The following TCAF1 variants were observed in gnomAD, a reference collection of about 807,000 sequenced individuals.
The protein encoded by TCAF1 is TRPM8 channel-associated factor 1.
A neutral mutation model predicts 27.3 loss-of-function variants in TCAF1; 4 were observed. The observed-to-expected ratio is 0.15, with a 90% CI of 0.07 to 0.34. TCAF1 has a LOEUF of 0.34. TCAF1 is among the 10% of genes least tolerant of loss of function. TCAF1 has a pLI of 1.00. For missense variants in TCAF1, 257 were observed against 425.8 expected, an observed-to-expected ratio of 0.60 and a Z score of 3.49; for synonymous variants, 105 against 167.1, an observed-to-expected ratio of 0.63 and a Z score of 2.87.
chr7:143,899,750 C>T (rs1191028083), intron 1 of TCAF1, among the ~76,000 whole-genome samples: 1 of 152,188 alleles, frequency 6.6e-6, no homozygotes, highest in Non-Finnish European at 1.5e-5. Flanking sequence ...CTAACAATTA[C>T]TGCTTCGTAC....
At chr7:143,900,822 C>T (rs952623815) in intron 1 of TCAF1, among the ~76,000 whole-genome samples, 11 of 151,670 alleles carry the variant, frequency 7.3e-5, no homozygotes, top group Admixed American at 7.2e-4. Context: ...CCTTAAATGA[C>T]GAAAACGAAA....
chr7:143,898,297 T>A (rs943010028), intron 1 of TCAF1, among the ~76,000 whole-genome samples: 3 of 152,130 alleles, frequency 2.0e-5, no homozygotes, highest in Admixed American at 2.0e-4. Context: ...CAAAACAAGA[T>A]GCCCTTTATT....
chr7:143,875,957 G>C, intron 2 of TCAF1, 32 bp downstream of exon 2: 1 of 1,514,966 alleles, frequency 6.6e-7, no homozygotes. Flanking sequence ...TTCAACCCTG[G>C]AGCCAACTCC....
At chr7:143,897,278 C>T (rs1044593482) in intron 1 of TCAF1, among the ~76,000 whole-genome samples, 19 of 150,816 alleles carry the variant, frequency 1.3e-4, no homozygotes, top group Non-Finnish European at 2.4e-4. Flanking sequence ...ACACCAACTC[C>T]TCCCTTCCTC....
intron 1 of TCAF1, among the ~76,000 whole-genome samples, chr7:143,886,700 C>CTTTTTT (rs11398264): frequency 1.1e-4 from 10 of 89,160 alleles, no homozygotes; most frequent in African/African-American, 1.5e-4. Flanking sequence ...CAAATTTTAC[C>CTTTTTT]TTTTTTTTTT....
At chr7:143,883,512 T>TTG (rs1435942337) in intron 1 of TCAF1, among the ~76,000 whole-genome samples, 1 of 141,188 alleles carries the variant, frequency 7.1e-6, no homozygotes, top group Non-Finnish European at 1.5e-5. Context: ...TTTTTTTTTT[T>TTG]TTTTTTTTTT....
intron 1 of TCAF1, among the ~76,000 whole-genome samples, chr7:143,889,764 T>C (rs1050615752): frequency 6.6e-6 from 1 of 152,256 alleles, no homozygotes; most frequent in African/African-American, 2.4e-5. Context: ...ATTTGCTTAT[T>C]ACTGTAGTGC....
intron 1 of TCAF1, among the ~76,000 whole-genome samples, chr7:143,900,209 C>T (rs1275984347): frequency 6.6e-6 from 1 of 152,148 alleles, no homozygotes; most frequent in Non-Finnish European, 1.5e-5. Flanking sequence ...CCCGATAATC[C>T]CTGCCTCCAG....
chr7:143,889,056 T>C (rs1371662416), intron 1 of TCAF1, among the ~76,000 whole-genome samples: 1 of 152,038 alleles, frequency 6.6e-6, no homozygotes, highest in African/African-American at 2.4e-5. Context: ...AAATAGAAGA[T>C]TAAACAAAGT....
intron 1 of TCAF1, among the ~76,000 whole-genome samples, chr7:143,897,134 ATATATATATATAT>A (rs1562974558): frequency 3.0e-4 from 4 of 13,158 alleles, no homozygotes; most frequent in African/African-American, 1.9e-3. Flanking sequence ...AATCTTGAAT[ATATATATATATAT>A]ATATATATAT....
intron 1 of TCAF1, among the ~76,000 whole-genome samples, chr7:143,884,113 T>A (rs141744760): frequency 2.0e-5 from 3 of 152,312 alleles, no homozygotes; most frequent in Admixed American, 2.0e-4. Flanking sequence ...GTAAAGTTCT[T>A]GAATCAATGT....
In TCAF1 at chr7:143,876,039, C is replaced by T. The variant is rs776204839; in HGVS notation, c.570G>A (p.Thr190=). The change falls in exon 2 of 9, where the codon ACG becomes ACA. Residue 190 remains threonine, a synonymous_variant. Coordinates refer to ENST00000479870, the MANE Select transcript of TCAF1 (RefSeq NM_014719.3). ...GIYFTDNKGD[T]SFFKVSKKMP... Reference sequence around the variant, plus strand: ...TCTTCTTGGAGACTTTAAAGAAACTCGTGTCCCCTTTGTTGTCAGTAAAGT... The same window carrying T: ...TCTTCTTGGAGACTTTAAAGAAACTTGTGTCCCCTTTGTTGTCAGTAAAGT... The T allele has an allele frequency of 5.0e-6, 8 of 1,592,372 alleles. No individual in the cohort carries two copies. The highest frequency in any genetic ancestry group is 3.4e-5 in the South Asian group (3 of 87,364).
chr7:143,879,489 C>T (rs1482033312), intron 1 of TCAF1, among the ~76,000 whole-genome samples: 4 of 152,122 alleles, frequency 2.6e-5, no homozygotes, highest in Admixed American at 2.6e-4. Context: ...TGTCTGCGCT[C>T]TTTTTCAAAA....
At chr7:143,884,854 A>G (rs1004150975) in intron 1 of TCAF1, 5 of 340,502 alleles carry the variant, frequency 1.5e-5, no homozygotes, top group Non-Finnish European at 2.1e-5. Context: ...AATATATTTC[A>G]TAATAAAATA....
chr7:143,881,478 C>A (rs961915358), intron 1 of TCAF1, among the ~76,000 whole-genome samples: 8 of 152,248 alleles, frequency 5.3e-5, no homozygotes, highest in Non-Finnish European at 1.2e-4. Flanking sequence ...GCTAGTTCAA[C>A]CCCTTTTTTG....
At chr7:143,885,452 C>T (rs1813354945) in intron 1 of TCAF1, 2 of 985,366 alleles carry the variant, frequency 2.0e-6, no homozygotes, top group Middle Eastern at 1.0e-3. Context: ...CCGCAGAGGC[C>T]CGGCTTTGTG....
At chr7:143,897,841 T>C (rs1347087410) in intron 1 of TCAF1, among the ~76,000 whole-genome samples, 1 of 152,084 alleles carries the variant, frequency 6.6e-6, no homozygotes, top group Non-Finnish European at 1.5e-5. Context: ...TTCCAAAGAA[T>C]AGCATAAGGG....
intron 1 of TCAF1, among the ~76,000 whole-genome samples, chr7:143,898,906 T>C (rs1814003379): frequency 6.6e-6 from 1 of 152,174 alleles, no homozygotes; most frequent in African/African-American, 2.4e-5. Context: ...AGGAGTGAGT[T>C]CATTATAAAA....
At chr7:143,879,846 C>G (rs1052364826) in intron 1 of TCAF1, among the ~76,000 whole-genome samples, 1 of 152,000 alleles carries the variant, frequency 6.6e-6, no homozygotes, top group Non-Finnish European at 1.5e-5. Flanking sequence ...CCACACACAC[C>G]CACTAAAGAG....
Sources: allele counts gnomAD v4.1 joint callset (sites outside exome capture counted in the v4.1 genomes callset), GRCh38; gene constraint gnomAD v4.1.1; transcripts MANE v1.5; gene names NCBI Gene and HGNC (gene_info 2026-07-23, HGNC 2026-07-21).